Variants in REL observed in about 807,000 individuals in gnomAD.
The protein encoded by REL is REL proto-oncogene, NF-kB subunit.
REL carries 15 observed loss-of-function variants against 45.9 expected under a neutral mutation model. The observed-to-expected ratio is 0.33, with a 90% CI of 0.22 to 0.50. The LOEUF is 0.50. REL is among the 20% of genes least tolerant of loss of function. REL has a pLI of 0.98. For missense variants in REL, 601 were observed against 715.2 expected (o/e 0.84, Z 1.82); for synonymous variants, 239 against 242.1 (o/e 0.99, Z 0.12).
intron 4 of REL, among the ~76,000 whole-genome samples, chr2:60,902,654 T>C (rs1450126860): frequency 1.3e-5 from 2 of 151,338 alleles, no homozygotes; most frequent in Non-Finnish European, 2.9e-5. Context: ...AGTGCAGTGA[T>C]GTGATCACAG....
chr2:60,901,401 A>G lies in REL; in HGVS notation c.394+318A>G, dbSNP rs368698970. ...GGTCTCGAACTCCTGACATCAGGTG[A>G]TCTACCCGCTTTGGCATCCCAAAGT... On this transcript the variant is annotated intron_variant, in intron 4 of 9. Coordinates refer to ENST00000394479, the MANE Select transcript of REL (RefSeq NM_001291746.2). Among the ~76,000 whole-genome samples, 3 of 152,160 alleles carry G rather than the reference A, an allele frequency of 2.0e-5. No individual in the cohort carries two copies. In the East Asian group the frequency reaches 5.8e-4, roughly 29 times the overall value.
chr2:60,921,135 A>T (rs1483646010), intron 9 of REL, among the ~76,000 whole-genome samples: 1 of 130,766 alleles, frequency 7.6e-6, no homozygotes, highest in Non-Finnish European at 1.8e-5. Context: ...AGGTAATTCA[A>T]CCGAGGGCTA....
Position 60,881,846 on chromosome 2 carries a change from C to A in REL, c.6C>A (p.Ala2=). 6.6e-7 allele frequency: 1 copy of A among 1,512,334 alleles called. No individual in the cohort carries two copies. The highest frequency in any genetic ancestry group is 8.8e-7 in the Non-Finnish European group (1 of 1,131,580). 93.7% of individuals were successfully genotyped at this position (1,512,334 alleles called of 1,614,324 possible). The change falls in exon 1 of 10, where the codon GCC becomes GCA. Residue 2 remains alanine, a synonymous_variant. Transcript: ENST00000394479. The stretch of plus-strand genomic sequence containing the variant: ...AAGGTGCGGGGAGCGGAGCCATGGC[C>A]TCCGGTGAGTGTTCATGGGGCGCGG... M[A]SGAYNPYIEI...
intron 3 of REL, among the ~76,000 whole-genome samples, chr2:60,897,410 C>G (rs534404214): frequency 1.3e-5 from 2 of 151,442 alleles, no homozygotes; most frequent in East Asian, 3.9e-4. Context: ...CAAGTTCATG[C>G]AATTTTTGTG....
chr2:60,914,922 C>G (rs1673921454), intron 4 of REL, among the ~76,000 whole-genome samples: 2 of 151,520 alleles, frequency 1.3e-5, no homozygotes, highest in African/African-American at 4.9e-5. Context: ...CAAGCTCTGC[C>G]TCTCGGGTTC....
At chr2:60,891,585 T>C (rs1387366065) in intron 1 of REL, 98 bp from the exon 2 acceptor site, 38 of 1,065,932 alleles carry the variant, frequency 3.6e-5, no homozygotes, top group Non-Finnish European at 3.9e-5. Context: ...AAAAAATCTT[T>C]GTTTTAGTCT....
At position 60,924,416 on chromosome 2, in the gene REL, G is replaced by A. The variant is rs532354639; in HGVS notation, c.*1881G>A. ...TTAAAAGTATTACTAATAGAACTTT[G>A]GTTTTTGAAAGAAATAATAACTTTA... On this transcript the variant is annotated 3_prime_UTR_variant, in exon 10 of 10. Coordinates refer to ENST00000394479, the MANE Select transcript of REL (RefSeq NM_001291746.2). The A allele has an allele frequency of 4.6e-4, 98 of 212,938 alleles. No individual in the cohort carries two copies. The highest frequency in any genetic ancestry group is 8.8e-4 in the Admixed American group (15 of 17,100). 13.2% of individuals were successfully genotyped at this position (212,938 alleles called of 1,614,324 possible).
chr2:60,921,053 A>G (rs1260577469), intron 9 of REL, among the ~76,000 whole-genome samples: 4 of 152,024 alleles, frequency 2.6e-5, no homozygotes, highest in Non-Finnish European at 5.9e-5. Flanking sequence ...CAGAGGCTGT[A>G]TATAGCTCAC....
Position 60,927,102 on chromosome 2 carries a change from A to G in REL, c.*4567A>G, listed in dbSNP as rs2103998735. 8.8e-6 allele frequency: 2 copies of G among 226,932 alleles called. No individual in the cohort carries two copies. The highest frequency in any genetic ancestry group is 1.3e-4 in the East Asian group (2 of 15,814). 14.1% of individuals were successfully genotyped at this position (226,932 alleles called of 1,614,324 possible). ...GAGGTGAAGCTTTGTACATGCCTGT[A>G]TTACGGACATCCTCTTATTTAAGTG... is the stretch of plus-strand genomic sequence containing the variant. On this transcript the variant is annotated 3_prime_UTR_variant, in exon 10 of 10. Coordinates refer to ENST00000394479, the MANE Select transcript of REL (RefSeq NM_001291746.2).
intron 4 of REL, among the ~76,000 whole-genome samples, chr2:60,905,139 G>C (rs1673606779): frequency 6.6e-6 from 1 of 152,188 alleles, no homozygotes; most frequent in South Asian, 2.1e-4. Flanking sequence ...CTGTCGCCCA[G>C]GCTGGAGTGC....
chr2:60,901,219 G>T (rs1232373648), intron 4 of REL, 136 bp downstream of exon 4: 7 of 1,116,834 alleles, frequency 6.3e-6, no homozygotes, highest in Non-Finnish European at 8.1e-6. Context: ...GCAATGGCGC[G>T]ATCTCAGCTC....
chr2:60,888,198 GGA>G, intron 1 of REL, among the ~76,000 whole-genome samples: 1 of 151,876 alleles, frequency 6.6e-6, no homozygotes, highest in African/African-American at 2.4e-5. Flanking sequence ...CAAAGTGCTG[GGA>G]TTACAGGTAT....
chr2:60,915,183 T>C (rs1220007952), intron 4 of REL, among the ~76,000 whole-genome samples: 1 of 152,212 alleles, frequency 6.6e-6, no homozygotes, highest in African/African-American at 2.4e-5. Context: ...TATACCACAC[T>C]TTGTTTATCC....
intron 5 of REL, among the ~76,000 whole-genome samples, chr2:60,917,701 TGTGTGTGTGTGTGTAC>T (rs1249301438): frequency 4.4e-4 from 66 of 150,410 alleles, no homozygotes; most frequent in African/African-American, 1.5e-3. Context: ...TGTGTGTGTG[TGTGTGTGTGTGTGTAC>T]GTGTGTGTGT....
chr2:60,888,201 TTACA>T (rs1673117193), intron 1 of REL, among the ~76,000 whole-genome samples: 1 of 152,176 alleles, frequency 6.6e-6, no homozygotes, highest in African/African-American at 2.4e-5. Flanking sequence ...AGTGCTGGGA[TTACA>T]GGTATGAGCC....
rs1252386510 is a variant in REL at position 60,922,345 on chromosome 2, C to T, written c.1574C>T (p.Ser525Leu). Reference protein sequence around the residue: ...GANSNTTVFVSQSDAFEGSDF... With the variant: ...GANSNTTVFVLQSDAFEGSDF... ...AATTCCAATACTACTGTTTTTGTTT[C>T]ACAATCAGATGCATTTGAGGGATCT... Residue 525 changes from serine to leucine, a missense_variant, in exon 10 of 10, where the codon TCA becomes TTA. By Grantham distance (145) the Ser-to-Leu change is moderately radical. Transcript: ENST00000394479. 6.2e-7 allele frequency: 1 copy of T among 1,614,066 alleles called. No individual in the cohort carries two copies. The highest frequency in any genetic ancestry group is 1.7e-5 in the Admixed American group (1 of 60,000).
In REL at chr2:60,920,350, G is replaced by A. The variant is rs979889051; in HGVS notation, c.923-224G>A. ...CGGGTAGCTGAGATTACAGGCATGTGCCACCACACCCGGCTAATTTTTGTA... is the reference window on the plus strand; with the variant it reads ...CGGGTAGCTGAGATTACAGGCATGTACCACCACACCCGGCTAATTTTTGTA... On this transcript the variant is annotated intron_variant, in intron 8 of 9. Coordinates refer to ENST00000394479, the MANE Select transcript of REL (RefSeq NM_001291746.2). The A allele has an allele frequency of 2.6e-5, 16 of 616,396 alleles. No individual in the cohort carries two copies. The African/African-American group carries it at 3.0e-4, about 11-fold the overall frequency. 38.2% of individuals were successfully genotyped at this position (616,396 alleles called of 1,614,324 possible).
intron 3 of REL, chr2:60,899,776 TC>T (rs71402310): frequency 7.2e-5 from 11 of 152,146 alleles, no homozygotes; most frequent in East Asian, 3.7e-4. Flanking sequence ...GTGGGGGAGT[TC>T]CCCCCACCAT....
chr2:60,901,423 A>C (rs931431884), intron 4 of REL, among the ~76,000 whole-genome samples: 11 of 152,166 alleles, frequency 7.2e-5, no homozygotes, highest in Admixed American at 7.2e-4. Flanking sequence ...TGGCATCCCA[A>C]AGTGCTGGGA....
Sources: allele counts gnomAD v4.1 joint callset (sites outside exome capture counted in the v4.1 genomes callset), GRCh38; gene constraint gnomAD v4.1.1; transcripts MANE v1.5; gene names NCBI Gene and HGNC (gene_info 2026-07-23, HGNC 2026-07-21).